The following PPP2R1B variants were observed in gnomAD, a reference collection of about 807,000 sequenced individuals.
PPP2R1B encodes serine/threonine-protein phosphatase 2A 65 kDa regulatory subunit A beta isoform.
In PPP2R1B, 58 loss-of-function variants were observed where a neutral mutation model predicts 72.7. The observed-to-expected ratio is 0.80, with a 90% CI of 0.65 to 0.99. The LOEUF (loss-of-function observed/expected upper bound fraction) is 0.99. Among genes scored for constraint, PPP2R1B ranks in the 50% least tolerant of loss-of-function variants. The pLI is 0.00. For synonymous variants in PPP2R1B, 256 were observed against 264.6 expected (o/e 0.97, Z 0.32); for missense variants, 695 against 733.6 (o/e 0.95, Z 0.61).
chr11:111,763,501 G>C (rs1555051964), intron 3 of PPP2R1B, among the ~76,000 whole-genome samples: 1 of 152,204 alleles, frequency 6.6e-6, no homozygotes, highest in East Asian at 1.9e-4. Flanking sequence ...GGAAAGCATT[G>C]CTAGGAAGCT....
chr11:111,691,533 C>G, the PPP2R1B span, among the ~76,000 whole-genome samples: 1 of 152,304 alleles, frequency 6.6e-6, no homozygotes, highest in Non-Finnish European at 1.5e-5. Context: ...TGTCCTTCTC[C>G]CACTACACCA....
At chr11:111,693,083 C>G in the PPP2R1B span, among the ~76,000 whole-genome samples, 2 of 152,212 alleles carry the variant, frequency 1.3e-5, no homozygotes, top group Middle Eastern at 6.8e-3. Flanking sequence ...CCTGTAATCC[C>G]AGCACTTTGA....
At chr11:111,714,125 CG>C in the PPP2R1B span, among the ~76,000 whole-genome samples, 1 of 152,158 alleles carries the variant, frequency 6.6e-6, no homozygotes, top group Non-Finnish European at 1.5e-5. Flanking sequence ...GGCTGGAAAC[CG>C]GGGGTGAGGA....
At chr11:111,763,624 A>T (rs1390235553) in intron 3 of PPP2R1B, among the ~76,000 whole-genome samples, 1 of 152,198 alleles carries the variant, frequency 6.6e-6, no homozygotes, top group East Asian at 1.9e-4. Flanking sequence ...TTACTAATGG[A>T]TTAGATGTGT....
At chr11:111,761,370 T>C (rs1032234407) in intron 3 of PPP2R1B, 5 of 420,510 alleles carry the variant, frequency 1.2e-5, no homozygotes, top group Admixed American at 3.1e-5. Flanking sequence ...AAAAGATACA[T>C]AGCCAAATTC....
chr11:111,728,538 C>A, intron 15 of PPP2R1B: 1 of 152,360 alleles, frequency 6.6e-6, no homozygotes. Context: ...ACCCACCCAC[C>A]TTGGCCTCCC....
chr11:111,737,337 T>G, downstream of PPP2R1B: 17 of 1,508,394 alleles, frequency 1.1e-5, no homozygotes, highest in Non-Finnish European at 1.4e-5. Flanking sequence ...GGGGACAAAG[T>G]GAGAGGTGCT....
At chr11:111,712,489 G>C in the PPP2R1B span, 1 of 1,108,288 alleles carries the variant, frequency 9.0e-7, no homozygotes, top group Non-Finnish European at 1.3e-6. Flanking sequence ...AAGTCACTCA[G>C]GAGTGATGCT....
the PPP2R1B span, among the ~76,000 whole-genome samples, chr11:111,706,223 T>C: frequency 6.6e-6 from 1 of 152,218 alleles, no homozygotes; most frequent in Non-Finnish European, 1.5e-5. Flanking sequence ...ACATAGTAAG[T>C]GCTATGTAAG....
chr11:111,704,956 C>A, the PPP2R1B span: 2 of 1,518,026 alleles, frequency 1.3e-6, no homozygotes, highest in Non-Finnish European at 1.8e-6. Context: ...CTTTACAGTT[C>A]TTTGCCTTTA....
chr11:111,754,995 C>A lies in PPP2R1B; in HGVS notation c.943G>T (p.Ala315Ser). ...DCEAEVRAAA[A>S]HKVKELGENL... Reference sequence around the variant, plus strand: ...ACTCCTTAACCTTTTACTTTGTGGGCAGCAGCTGCCCGGACTTCAGCTTCA... The same window carrying A: ...ACTCCTTAACCTTTTACTTTGTGGGAAGCAGCTGCCCGGACTTCAGCTTCA... Residue 315 changes from alanine (A) to serine (S), a missense_variant, in exon 7 of 15, where the codon GCC (alanine) becomes TCC (serine). Coordinates refer to ENST00000527614, the MANE Select transcript of PPP2R1B (RefSeq NM_002716.5). 1 of 1,612,072 alleles carries A rather than the reference C, an allele frequency of 6.2e-7. No homozygotes were observed. The highest frequency in any genetic ancestry group is 1.3e-5 in the African/African-American group (1 of 74,982).
downstream of PPP2R1B, chr11:111,722,520 C>G: frequency 1.3e-6 from 1 of 751,544 alleles, no homozygotes; most frequent in South Asian, 1.8e-5. This position sits in a 1 kb window ranked among gnomAD's most constrained non-coding sequence, Gnocchi z 4.4. Context: ...CTTTCAGGGT[C>G]TCAGGGAGTA....
In PPP2R1B at chr11:111,744,294, C is replaced by A. The variant is rs558703522; in HGVS notation, c.1400-764G>T. Among the ~76,000 whole-genome samples, 43 of 152,264 alleles carry A rather than the reference C, an allele frequency of 2.8e-4. 1 individual carries two copies. Among genetic ancestry groups the A allele is most frequent in the Admixed American group, 2.6e-3 (40 of 15,292 alleles). On this transcript the variant is annotated intron_variant, in intron 11 of 14. Transcript: ENST00000527614. ...AAGCGACGTTGACTGAGAAAGACAA[C>A]AAGGAAATGGTGTAGAGGCCACTGT...
Position 111,740,919 on chromosome 11 carries a change from TCA to T in PPP2R1B, c.*675_*676del. On this transcript the variant is annotated 3_prime_UTR_variant, in exon 15 of 15. Transcript: ENST00000527614. Reference sequence around the variant, plus strand: ...AGGCACAGTGGTGAGCTGTTCAAATTCAGTTAGGCGTCAACATCACACATTAG... The same window carrying T: ...AGGCACAGTGGTGAGCTGTTCAAATTGTTAGGCGTCAACATCACACATTAG... The T allele has an allele frequency of 1.0e-6, 1 of 985,500 alleles. No homozygotes were observed. The highest frequency in any genetic ancestry group is 1.2e-6 in the Non-Finnish European group (1 of 829,958). 61.0% of individuals were successfully genotyped at this position (985,500 alleles called of 1,614,324 possible).
chr11:111,695,939 C>A, the PPP2R1B span, among the ~76,000 whole-genome samples: 1 of 152,038 alleles, frequency 6.6e-6, no homozygotes, highest in Non-Finnish European at 1.5e-5. Context: ...TTGTTAGGAC[C>A]ATATAGGTCA....
At chr11:111,742,190 T>A in intron 13 of PPP2R1B, 46 bp from the exon 14 acceptor site, 1 of 1,446,948 alleles carries the variant, frequency 6.9e-7, no homozygotes. Context: ...TAATGGGCCA[T>A]AGAAATCCTT....
At chr11:111,700,835 A>G in the PPP2R1B span, 2 of 1,603,374 alleles carry the variant, frequency 1.2e-6, no homozygotes, top group Admixed American at 3.4e-5. Flanking sequence ...AGAGAAATGC[A>G]GTATAGTTTG....
At chr11:111,720,799 C>T in the PPP2R1B span, 29 of 1,570,480 alleles carry the variant, frequency 1.8e-5, no homozygotes, top group African/African-American at 4.1e-5. Context: ...AAACTCGCGT[C>T]GTAGGAGAGC....
chr11:111,711,642 C>T, the PPP2R1B span, among the ~76,000 whole-genome samples: 4 of 152,350 alleles, frequency 2.6e-5, no homozygotes, highest in African/African-American at 9.6e-5. Context: ...GGAAGATGTT[C>T]CTGTCACCCC....
Sources: allele counts gnomAD v4.1 joint callset (sites outside exome capture counted in the v4.1 genomes callset), GRCh38; gene constraint gnomAD v4.1.1; non-coding constraint Gnocchi (gnomAD v3.1); transcripts MANE v1.5; gene names NCBI Gene and HGNC (gene_info 2026-07-23, HGNC 2026-07-21).